Variants in MAMLD1 observed in about 807,000 individuals in gnomAD.
MAMLD1 encodes mastermind-like domain-containing protein 1.
Under a neutral mutation model 45.0 loss-of-function variants are expected in MAMLD1, and 14 were observed. That is an observed-to-expected ratio of 0.31 (90% CI 0.21 to 0.49). The LOEUF (loss-of-function observed/expected upper bound fraction) is 0.49. MAMLD1 is among the 20% of genes least tolerant of loss of function. MAMLD1 has a pLI of 0.99. For synonymous variants in MAMLD1, 254 were observed against 247.8 expected, an observed-to-expected ratio of 1.02 and a Z score of -0.24; for missense variants, 543 against 603.6, an observed-to-expected ratio of 0.90 and a Z score of 1.05.
chrX:150,481,968 G>GAAAGAAAGAAAGAA (rs1569564961), intron 5 of MAMLD1, among the ~76,000 whole-genome samples: 16 of 34,431 alleles, frequency 4.6e-4, no homozygotes, highest in Admixed American at 1.3e-3. Context: ...AAAGAAAAAA[G>GAAAGAAAGAAAGAA]AAAGAAAGAA....
chrX:150,445,537 G>A lies in MAMLD1; in HGVS notation c.21G>A (p.Arg7=). The A allele has an allele frequency of 3.3e-6, 4 of 1,210,664 alleles. No homozygotes were observed. Among genetic ancestry groups the A allele is most frequent in the Non-Finnish European group, 4.5e-6 (4 of 894,675 alleles). The change falls in exon 2 of 8, where the codon CGG becomes CGA. Residue 7 remains arginine, a synonymous_variant. Coordinates refer to ENST00000370401, the MANE Select transcript of MAMLD1 (RefSeq NM_005491.5). ...AAACAATGGATGACTGGAAAAGTCG[G>A]CTTGTAATCAAGAGCATGCTTCCCC... The part of the protein sequence containing the change: MDDWKS[R]LVIKSMLPHF...
chrX:150,481,964 A>AAAAGAAAGAAGGAAAG (rs2036792866), intron 5 of MAMLD1, among the ~76,000 whole-genome samples: 1 of 56,596 alleles, frequency 1.8e-5, no homozygotes, highest in Non-Finnish European at 3.3e-5. Context: ...AAAGAAAGAA[A>AAAAGAAAGAAGGAAAG]AAAGAAAGAA....
At chrX:150,479,635 C>T (rs1410552979) in intron 5 of MAMLD1, among the ~76,000 whole-genome samples, 4 of 111,973 alleles carry the variant, frequency 3.6e-5, no homozygotes, top group African/African-American at 1.3e-4. Flanking sequence ...TCTCATTGCG[C>T]TTTTCAAAGA....
chrX:150,501,126 T>C (rs1203239839), intron 5 of MAMLD1, among the ~76,000 whole-genome samples: 1 of 112,106 alleles, frequency 8.9e-6, no homozygotes, highest in African/African-American at 3.2e-5. Context: ...TGGGGGGTCC[T>C]GTTTCTTGAC....
At chrX:150,413,369 G>C (rs2034169055) in intron 1 of MAMLD1, among the ~76,000 whole-genome samples, 2 of 111,425 alleles carry the variant, frequency 1.8e-5, no homozygotes, top group African/African-American at 6.5e-5. Context: ...GTGGGCCCAG[G>C]GCAATTCATA....
chrX:150,399,882 G>A (rs1348978002), intron 1 of MAMLD1, among the ~76,000 whole-genome samples: 1 of 112,379 alleles, frequency 8.9e-6, no homozygotes, highest in African/African-American at 3.2e-5. Flanking sequence ...AAGAACAATT[G>A]AGCAGGCTTT....
intron 1 of MAMLD1, among the ~76,000 whole-genome samples, chrX:150,387,156 G>T (rs1557402081): frequency 9.0e-6 from 1 of 110,985 alleles, no homozygotes; most frequent in African/African-American, 3.3e-5. Context: ...TTAACTGATT[G>T]CTTTTCTCAA....
At chrX:150,437,358 T>C (rs2035155623) in intron 1 of MAMLD1, among the ~76,000 whole-genome samples, 2 of 111,930 alleles carry the variant, frequency 1.8e-5, no homozygotes, top group Admixed American at 1.9e-4. Flanking sequence ...TTAAAATGTG[T>C]GCATTTTATT....
At chrX:150,461,176 C>T (rs782557991) in intron 2 of MAMLD1, among the ~76,000 whole-genome samples, 34 of 113,322 alleles carry the variant, frequency 3.0e-4, no homozygotes, top group Non-Finnish European at 5.2e-4. Context: ...TAGCTGCCCT[C>T]CTTCTCCCTG....
chrX:150,376,776 A>G (rs1165710410), intron 1 of MAMLD1, among the ~76,000 whole-genome samples: 1 of 109,373 alleles, frequency 9.1e-6, no homozygotes, highest in Non-Finnish European at 1.9e-5. Context: ...TTTTTTGAAT[A>G]TTGGGGGGTG....
At chrX:150,438,468 C>T (rs782667543) in intron 1 of MAMLD1, among the ~76,000 whole-genome samples, 1 of 112,280 alleles carries the variant, frequency 8.9e-6, no homozygotes, top group East Asian at 2.8e-4. Context: ...ACATTTGCAT[C>T]ACCATAAAAT....
At chrX:150,473,574 G>C in intron 4 of MAMLD1, 106 bp from the exon 5 acceptor site, 1 of 766,212 alleles carries the variant, frequency 1.3e-6, no homozygotes, top group Middle Eastern at 4.1e-4. Context: ...GGGGGTGGCC[G>C]GGGGAGCGGT....
intron 1 of MAMLD1, among the ~76,000 whole-genome samples, chrX:150,396,416 C>T (rs1470560483): frequency 9.0e-6 from 1 of 111,078 alleles, no homozygotes; most frequent in Non-Finnish European, 1.9e-5. Flanking sequence ...ATATTTTCAA[C>T]TTCTCCTGAG....
intron 2 of MAMLD1, among the ~76,000 whole-genome samples, chrX:150,461,980 G>A (rs1378298291): frequency 8.9e-6 from 1 of 112,171 alleles, no homozygotes; most frequent in African/African-American, 3.2e-5. Flanking sequence ...AAGAGCCTAG[G>A]ACAGGCCATA....
intron 1 of MAMLD1, among the ~76,000 whole-genome samples, chrX:150,369,910 T>A (rs2031826473): frequency 9.2e-6 from 1 of 109,241 alleles, no homozygotes; most frequent in Non-Finnish European, 1.9e-5. Context: ...CCTGCTGCTG[T>A]CCTACTTGAT....
intron 3 of MAMLD1, among the ~76,000 whole-genome samples, chrX:150,468,447 G>A (rs180756921): frequency 3.9e-4 from 44 of 111,609 alleles, no homozygotes; most frequent in African/African-American, 1.3e-3. Flanking sequence ...GGTGGGGGAA[G>A]CTTTAAAAGA....
chrX:150,391,325 A>G (rs1356616808), intron 1 of MAMLD1, among the ~76,000 whole-genome samples: 2 of 111,124 alleles, frequency 1.8e-5, no homozygotes, highest in African/African-American at 6.6e-5. Flanking sequence ...GTTATTGCCC[A>G]CAGATCCCTG....
intron 1 of MAMLD1, among the ~76,000 whole-genome samples, chrX:150,418,057 C>A (rs2034327960): frequency 9.0e-6 from 1 of 110,763 alleles, no homozygotes; most frequent in Non-Finnish European, 1.9e-5. Context: ...GGCTGTGAAT[C>A]CATCTGGTCC....
chrX:150,511,261 G>A (rs1461659161), intron 7 of MAMLD1, among the ~76,000 whole-genome samples: 1 of 111,215 alleles, frequency 9.0e-6, no homozygotes, highest in Non-Finnish European at 1.9e-5. Flanking sequence ...ATGACAATGA[G>A]GGGAGATGTA....
Sources: gnomAD v4.1 joint callset for allele counts (sites outside exome capture counted in the v4.1 genomes callset) on GRCh38, gnomAD v4.1.1 for gene constraint, MANE v1.5 for transcripts, NCBI Gene and HGNC (gene_info 2026-07-23, HGNC 2026-07-21) for gene names.